The following MAPT variants were observed in gnomAD, a reference collection of about 807,000 sequenced individuals.
MAPT encodes the protein microtubule associated protein tau.
A neutral mutation model predicts 67.9 loss-of-function variants in MAPT; 34 were observed. The observed-to-expected ratio is 0.50, with a 90% CI of 0.38 to 0.67. MAPT has a LOEUF of 0.67. MAPT is among the 30% of genes least tolerant of loss of function. MAPT has a pLI of 0.00. For missense variants in MAPT, 881 were observed against 1,115.2 expected (o/e 0.79, Z 2.99); for synonymous variants, 456 against 464.5 (o/e 0.98, Z 0.23).
intron 3 of MAPT, chr17:45,974,204 A>G: frequency 1.6e-6 from 1 of 636,026 alleles, no homozygotes; most frequent in Admixed American, 2.3e-5. Flanking sequence ...GCAGCATGTC[A>G]GTGTGCTTCC....
chr17:45,964,447 C>T (rs571148650), intron 2 of MAPT, among the ~76,000 whole-genome samples: 5 of 148,882 alleles, frequency 3.4e-5, no homozygotes, highest in African/African-American at 1.2e-4. Flanking sequence ...TGGGAGGCTG[C>T]GGCAGGAGGA....
chr17:45,984,411 G>T (rs2073333553), intron 5 of MAPT, among the ~76,000 whole-genome samples: 1 of 152,252 alleles, frequency 6.6e-6, no homozygotes, highest in African/African-American at 2.4e-5. Flanking sequence ...GACAGAGCCA[G>T]GTTTGGGATC....
At chr17:45,952,113 G>A (rs538926101) in intron 1 of MAPT, among the ~76,000 whole-genome samples, 4 of 152,214 alleles carry the variant, frequency 2.6e-5, no homozygotes, top group African/African-American at 9.6e-5. Context: ...GTCTGGTCCA[G>A]GCTGCGTAGT....
chr17:45,929,656 A>G (rs2144654805), intron 1 of MAPT, among the ~76,000 whole-genome samples: 1 of 152,308 alleles, frequency 6.6e-6, no homozygotes, highest in East Asian at 1.9e-4. Flanking sequence ...TGCTGGCCCC[A>G]CCACTAAGCA....
Position 45,983,771 on chromosome 17 carries a change from G to A in MAPT, c.1192G>A (p.Gly398Arg), listed in dbSNP as rs1460478992. 1.9e-6 allele frequency: 3 copies of A among 1,614,098 alleles called. No homozygotes were observed. In the South Asian group the frequency reaches 3.3e-5, roughly 18 times the overall value. The change falls in exon 5 of 13, where the codon GGA (glycine) becomes AGA (arginine). Residue 398 changes from glycine (G) to arginine (R), a missense_variant. Gly to Arg is a moderately radical substitution (Grantham distance 125). Transcript: ENST00000262410. The part of the protein sequence containing the change: ...KEQAHSEEHL[G>R]RAAFPGAPGE... ...GCAGGCGCACTCGGAGGAGCATTTG[G>A]GAAGGGCTGCATTTCCAGGGGCCCC...
intron 2 of MAPT, among the ~76,000 whole-genome samples, chr17:45,963,519 G>C (rs571222344): frequency 6.6e-6 from 1 of 152,290 alleles, no homozygotes; most frequent in East Asian, 1.9e-4. Flanking sequence ...AGTGCTCACA[G>C]CAACAGCCCA....
chr17:45,934,393 TTAAA>T (rs759973677), intron 1 of MAPT, among the ~76,000 whole-genome samples: 13 of 152,236 alleles, frequency 8.5e-5, no homozygotes, highest in Non-Finnish European at 1.8e-4. Flanking sequence ...ATTAGGATAT[TTAAA>T]TACAGTATGT....
At chr17:46,005,158 C>A (rs934776900) in intron 9 of MAPT, among the ~76,000 whole-genome samples, 1 of 152,180 alleles carries the variant, frequency 6.6e-6, no homozygotes. Context: ...TGTTTAATTT[C>A]TTTAATGGAT....
At position 45,974,449 on chromosome 17, in the gene MAPT, G is replaced by A. The variant is rs373915750; in HGVS notation, c.220+2504G>A. 47 of 1,607,506 alleles carry A rather than the reference G, an allele frequency of 2.9e-5. No homozygotes were observed. The highest frequency in any genetic ancestry group is 1.5e-4 in the African/African-American group (11 of 74,878). Reference sequence around the variant, plus strand: ...AGCAGGCTGCCGCGCAGCCCCACACGGAGATCCCAGAAGGAACCACAGGTG... The same window carrying A: ...AGCAGGCTGCCGCGCAGCCCCACACAGAGATCCCAGAAGGAACCACAGGTG... On this transcript the variant is annotated intron_variant, in intron 3 of 12. Transcript: ENST00000262410.
rs2063208562 is a variant in MAPT, at chr17:45,896,231, T to C, written c.-18+1545T>C. ...GAGTCTGCCGGCGCCGGGAAGCTTC[T>C]GAAGGGATGGGATTCGAGTCTCCGT... On this transcript the variant is annotated intron_variant, in intron 1 of 12. Coordinates refer to ENST00000262410, the MANE Select transcript of MAPT (RefSeq NM_001377265.1). The surrounding 1 kb of genome is among the most constrained non-coding windows in gnomAD (Gnocchi z 5.6). 6.6e-6 allele frequency: 1 copy of C among 152,066 alleles called. No homozygotes were observed. Among genetic ancestry groups the C allele is most frequent in the Non-Finnish European group, 1.5e-5 (1 of 68,072 alleles). 9.4% of individuals were successfully genotyped at this position (152,066 alleles called of 1,614,324 possible). A position where few individuals can be genotyped will look rare whatever the true frequency, so the allele number is the denominator to read the frequency against.
chr17:45,926,402 G>A (rs571040487), intron 1 of MAPT, among the ~76,000 whole-genome samples: 16 of 151,914 alleles, frequency 1.1e-4, no homozygotes, highest in South Asian at 2.1e-4. Flanking sequence ...TTGACCTCCC[G>A]GGCTCAAGTG....
At chr17:45,920,418 G>C (rs118137012) in intron 1 of MAPT, among the ~76,000 whole-genome samples, 2,065 of 152,322 alleles carry the variant, frequency 0.014, 12 homozygotes, top group Middle Eastern at 0.051. Flanking sequence ...GCTCAGAGTG[G>C]CTAGGCCACC....
Position 45,995,652 on chromosome 17 carries a change from G to A in MAPT, c.1733-747G>A, listed in dbSNP as rs767799102. ...CCAGCAGCTTCCAGGGTGTTGGAAG[G>A]GTGCGCTAGTAACTGCTATGCATGG... On this transcript the variant is annotated intron_variant, in intron 8 of 12. Transcript: ENST00000262410. The surrounding 1 kb of genome is among the most constrained non-coding windows in gnomAD (Gnocchi z 4.3). Among the ~76,000 whole-genome samples, 3 of 152,160 alleles carry A rather than the reference G, an allele frequency of 2.0e-5. No homozygotes were observed. The highest frequency in any genetic ancestry group is 2.9e-5 in the Non-Finnish European group (2 of 68,030).
At chr17:45,939,447 T>C (rs919700416) in intron 1 of MAPT, among the ~76,000 whole-genome samples, 23 of 152,166 alleles carry the variant, frequency 1.5e-4, no homozygotes, top group Non-Finnish European at 2.8e-4. Flanking sequence ...TCTCATTTTG[T>C]TTTTTGTTTT....
intron 1 of MAPT, among the ~76,000 whole-genome samples, chr17:45,901,161 G>C (rs1452484133): frequency 6.6e-6 from 1 of 152,214 alleles, no homozygotes; most frequent in East Asian, 1.9e-4. Flanking sequence ...TCTTGCCACA[G>C]GCAAGCGGAG....
intron 9 of MAPT, among the ~76,000 whole-genome samples, chr17:46,007,467 A>T (rs929925671): frequency 6.6e-6 from 1 of 152,188 alleles, no homozygotes; most frequent in Admixed American, 6.5e-5. Flanking sequence ...AGCCTGGGTG[A>T]CAGAGTGAGA....
chr17:45,965,066 C>A (rs887541998), intron 2 of MAPT, among the ~76,000 whole-genome samples: 1 of 152,134 alleles, frequency 6.6e-6, no homozygotes, highest in African/African-American at 2.4e-5. Flanking sequence ...AGAGTTCTCT[C>A]ACCAGGTGCC....
rs1404998774 is a variant in MAPT, at chr17:45,895,046, G to GGT, written c.-18+361_-18+362insTG. 1.4e-3 allele frequency: 193 copies of GGT among 134,248 alleles called. 2 individuals are homozygous for GGT. The highest frequency in any genetic ancestry group is 5.7e-3 in the African/African-American group (178 of 31,328). The allele number at this position is 134,248 out of a possible 1,614,324, so 8.3% of individuals were successfully genotyped here. A position where few individuals can be genotyped will look rare whatever the true frequency, so the allele number is the denominator to read the frequency against. On this transcript the variant is annotated intron_variant, in intron 1 of 12. Coordinates refer to ENST00000262410, the MANE Select transcript of MAPT (RefSeq NM_001377265.1). ...TCGACTGCAGCCTTTTGCCGCAATGGGCGTGTGTGTGTGTGTGTGTGTGTG... is the reference window on the plus strand; with the variant it reads ...TCGACTGCAGCCTTTTGCCGCAATGGGTGCGTGTGTGTGTGTGTGTGTGTGTG...
Position 45,928,756 on chromosome 17 carries a change from C to T in MAPT, c.-17-33565C>T, listed in dbSNP as rs539701505. On this transcript the variant is annotated intron_variant, in intron 1 of 12. Coordinates refer to ENST00000262410, the MANE Select transcript of MAPT (RefSeq NM_001377265.1). The stretch of plus-strand genomic sequence containing the variant: ...TGTCACCCAGGCTGGAGTGCAGTGG[C>T]GCGATCTTGGCTCACTGCAAGCTCC... Among the ~76,000 whole-genome samples the T allele has an allele frequency of 1.1e-4, 16 of 152,218 alleles. No homozygotes were observed. The East Asian group carries it at 2.3e-3, about 22-fold the overall frequency.
Sources: allele counts gnomAD v4.1 joint callset (sites outside exome capture counted in the v4.1 genomes callset), GRCh38; gene constraint gnomAD v4.1.1; non-coding constraint Gnocchi (gnomAD v3.1); transcripts MANE v1.5; gene names NCBI Gene and HGNC (gene_info 2026-07-23, HGNC 2026-07-21).